MARCHF1: variants seen among roughly 807,000 people sequenced by gnomAD.
MARCHF1 encodes E3 ubiquitin-protein ligase MARCHF1.
In MARCHF1, 40 loss-of-function variants were observed where a neutral mutation model predicts 54.2. The observed-to-expected ratio is 0.74, with a 90% confidence interval of 0.57 to 0.96. The LOEUF (loss-of-function observed/expected upper bound fraction) is 0.96. Among genes scored for constraint, MARCHF1 ranks in the 40% least tolerant of loss-of-function variants. The probability of loss-of-function intolerance (pLI) is 0.00; values close to 1 mark genes in which losing one functional copy is unlikely to be tolerated. For missense variants in MARCHF1, 586 were observed against 656.5 expected, an observed-to-expected ratio of 0.89 and a Z score of 1.17; for synonymous variants, 236 against 236.3, an observed-to-expected ratio of 1.00 and a Z score of 0.01.
chr4:163,990,357 TAA>T lies in MARCHF1; in HGVS notation c.-247-1650_-247-1649del, dbSNP rs199677517. On this transcript the variant is annotated intron_variant, in intron 2 of 9. Transcript: ENST00000514618. ...AGGGTACAGTTCTGAACTGGACAGT[TAA>T]AAAAAAAAATTACAGATGTTTCTGA... 6.2e-3 allele frequency among the ~76,000 whole-genome samples: 929 copies of T among 149,042 alleles called. 11 individuals are homozygous for T. The highest frequency in any genetic ancestry group is 0.021 in the African/African-American group (876 of 40,796).
At chr4:163,843,934 A>G (rs1749412895) in intron 4 of MARCHF1, among the ~76,000 whole-genome samples, 1 of 151,228 alleles carries the variant, frequency 6.6e-6, no homozygotes, top group Non-Finnish European at 1.5e-5. Context: ...TTCTTTTAAG[A>G]ATTGTTCGCT....
At chr4:164,232,368 G>T (rs1323930382) in intron 1 of MARCHF1, among the ~76,000 whole-genome samples, 1 of 152,082 alleles carries the variant, frequency 6.6e-6, no homozygotes, top group Non-Finnish European at 1.5e-5. Context: ...TGTTTATAAA[G>T]TTGTATCACA....
intron 4 of MARCHF1, among the ~76,000 whole-genome samples, chr4:163,806,940 A>G (rs774494286): frequency 2.8e-4 from 43 of 152,350 alleles, no homozygotes; most frequent in South Asian, 1.0e-3. Context: ...CAGAAAGAAA[A>G]AATGTACACT....
At chr4:164,350,686 T>C (rs1288489819) in intron 1 of MARCHF1, among the ~76,000 whole-genome samples, 2 of 152,236 alleles carry the variant, frequency 1.3e-5, no homozygotes, top group Admixed American at 6.5e-5. Flanking sequence ...TAGCCTCATA[T>C]ACCAAAGCAT....
At chr4:163,553,858 G>A (rs756990705) in intron 8 of MARCHF1, among the ~76,000 whole-genome samples, 47 of 152,144 alleles carry the variant, frequency 3.1e-4, no homozygotes, top group Non-Finnish European at 6.0e-4. Context: ...GAAAGGTCCC[G>A]CTGTCTCTGC....
chr4:164,065,565 A>G (rs1754709129), intron 2 of MARCHF1, among the ~76,000 whole-genome samples: 1 of 152,144 alleles, frequency 6.6e-6, no homozygotes, highest in African/African-American at 2.4e-5. Flanking sequence ...CCAGAGGAAC[A>G]GAACTAATAG....
intron 4 of MARCHF1, among the ~76,000 whole-genome samples, chr4:163,838,594 T>C (rs1055257800): frequency 6.6e-6 from 1 of 151,994 alleles, no homozygotes; most frequent in Non-Finnish European, 1.5e-5. Flanking sequence ...GAGAAAATAA[T>C]AAAAGAACAA....
chr4:163,942,179 A>T (rs1327410915), intron 3 of MARCHF1, among the ~76,000 whole-genome samples: 1 of 152,226 alleles, frequency 6.6e-6, no homozygotes, highest in Non-Finnish European at 1.5e-5. Context: ...TGAAGCAGTA[A>T]GGTTTCACAT....
chr4:164,341,089 T>C (rs907509671), intron 1 of MARCHF1, among the ~76,000 whole-genome samples: 1 of 152,138 alleles, frequency 6.6e-6, no homozygotes, highest in African/African-American at 2.4e-5. Flanking sequence ...CATCTCTAAA[T>C]GTGACACACC....
intron 3 of MARCHF1, chr4:163,933,165 C>T (rs1751717919): frequency 2.5e-6 from 2 of 804,926 alleles, no homozygotes; most frequent in African/African-American, 1.8e-5. Context: ...ACAGCACCCT[C>T]ATTATGGAGT....
chr4:164,111,395 T>C (rs989389446), intron 2 of MARCHF1, among the ~76,000 whole-genome samples, 193 bp downstream of exon 2: 2 of 151,808 alleles, frequency 1.3e-5, no homozygotes, highest in Non-Finnish European at 3.0e-5. Context: ...AGAGTTAATC[T>C]AAGAAAGAAA....
intron 2 of MARCHF1, among the ~76,000 whole-genome samples, chr4:164,039,713 A>G (rs1217147289): frequency 6.6e-6 from 1 of 152,080 alleles, no homozygotes. Flanking sequence ...TCAACTTTCT[A>G]TTGTAGTACA....
chr4:164,129,202 T>C (rs1756248934), intron 1 of MARCHF1, among the ~76,000 whole-genome samples: 1 of 152,202 alleles, frequency 6.6e-6, no homozygotes. Context: ...TTTTCTCCTG[T>C]TGTAGAATAA....
At chr4:163,611,951 T>C (rs1262369716) in intron 7 of MARCHF1, among the ~76,000 whole-genome samples, 1 of 152,100 alleles carries the variant, frequency 6.6e-6, no homozygotes, top group Non-Finnish European at 1.5e-5. Context: ...TTTCACACAG[T>C]CTCACTCTTA....
At chr4:163,928,955 C>A (rs1441512388) in intron 3 of MARCHF1, among the ~76,000 whole-genome samples, 2 of 151,654 alleles carry the variant, frequency 1.3e-5, no homozygotes, top group African/African-American at 4.8e-5. Context: ...AATAAGAGAC[C>A]TATATGTGCT....
intron 1 of MARCHF1, among the ~76,000 whole-genome samples, chr4:164,354,697 C>G (rs1170810657): frequency 5.4e-5 from 8 of 146,838 alleles, no homozygotes; most frequent in South Asian, 4.3e-4. Context: ...CCTTTGAAAA[C>G]TGGCACAAGA....
intron 5 of MARCHF1, among the ~76,000 whole-genome samples, chr4:163,687,590 T>A (rs1289106328): frequency 6.6e-6 from 1 of 152,208 alleles, no homozygotes; most frequent in Non-Finnish European, 1.5e-5. Flanking sequence ...TACTATATTT[T>A]CATTTGCTAA....
intron 3 of MARCHF1, among the ~76,000 whole-genome samples, chr4:163,886,485 A>G (rs376619574): frequency 1.3e-5 from 2 of 152,066 alleles, no homozygotes; most frequent in East Asian, 3.9e-4. Flanking sequence ...GCAGCTTGTA[A>G]AAAAAATACT....
intron 2 of MARCHF1, among the ~76,000 whole-genome samples, chr4:164,102,731 A>G (rs1318248788): frequency 6.6e-6 from 1 of 151,808 alleles, no homozygotes; most frequent in Non-Finnish European, 1.5e-5. Flanking sequence ...ACCAGCTAAC[A>G]TCATAATGAC....
Sources: gnomAD v4.1 joint callset for allele counts (sites outside exome capture counted in the v4.1 genomes callset) on GRCh38, gnomAD v4.1.1 for gene constraint, MANE v1.5 for transcripts, NCBI Gene and HGNC (gene_info 2026-07-23, HGNC 2026-07-21) for gene names.